The following RNF150 variants were observed in gnomAD, a reference collection of about 807,000 sequenced individuals.
RNF150 encodes the protein ring finger protein 150.
In RNF150, 24 loss-of-function variants were observed where a neutral mutation model predicts 39.3. The observed-to-expected ratio is 0.61, with a 90% CI of 0.44 to 0.86. RNF150 has a LOEUF of 0.86. RNF150 is among the 40% of genes least tolerant of loss of function. The pLI, the probability that RNF150 is intolerant of heterozygous loss-of-function variation, is 0.00. For synonymous variants in RNF150, 255 were observed against 227.3 expected (o/e 1.12, Z -1.10); for missense variants, 502 against 587.8 (o/e 0.85, Z 1.51).
upstream of RNF150, among the ~76,000 whole-genome samples, chr4:141,136,856 A>G (rs879531335): frequency 2.0e-5 from 3 of 152,228 alleles, no homozygotes; most frequent in Admixed American, 6.5e-5. Context: ...AGGGTAACCT[A>G]TGTCACATAA....
intron 4 of RNF150, among the ~76,000 whole-genome samples, chr4:140,943,439 C>A (rs1432313111): frequency 6.6e-6 from 1 of 152,152 alleles, no homozygotes; most frequent in Non-Finnish European, 1.5e-5. Flanking sequence ...TAAATATTTA[C>A]CCATTTTACA....
intron 1 of RNF150, among the ~76,000 whole-genome samples, chr4:141,182,899 C>A (rs1727936261): frequency 6.7e-6 from 1 of 149,828 alleles, no homozygotes; most frequent in Admixed American, 6.7e-5. Flanking sequence ...AAGAACAAAG[C>A]TGGAGGCATC....
chr4:140,932,135 C>G (rs564398224), intron 4 of RNF150, among the ~76,000 whole-genome samples: 2 of 152,316 alleles, frequency 1.3e-5, no homozygotes, highest in East Asian at 3.9e-4. Flanking sequence ...ATGTGACTCA[C>G]TCAGGTACCT....
At chr4:140,994,623 A>T (rs553578774) in intron 1 of RNF150, among the ~76,000 whole-genome samples, 15 of 152,316 alleles carry the variant, frequency 9.8e-5, no homozygotes, top group African/African-American at 2.9e-4. Flanking sequence ...CAAAAGTAAG[A>T]TCTGAAGAAT....
Position 140,866,167 on chromosome 4 carries a change from G to A in RNF150, c.*2094C>T, listed in dbSNP as rs1157761173. The A allele has an allele frequency of 6.6e-6, 1 of 152,162 alleles. No individual in the cohort carries two copies. Among genetic ancestry groups the A allele is most frequent in the Non-Finnish European group, 1.5e-5 (1 of 68,028 alleles). 9.4% of individuals were successfully genotyped at this position (152,162 alleles called of 1,614,324 possible). ...GATTTTCATTCTCAGCACCATAGTT[G>A]TGCCAAGTCTCAAAGGCTGTTATTA... On this transcript the variant is annotated 3_prime_UTR_variant, in exon 7 of 7. Coordinates refer to ENST00000515673, the MANE Select transcript of RNF150 (RefSeq NM_020724.2).
intron 1 of RNF150, among the ~76,000 whole-genome samples, chr4:141,000,047 G>A (rs1734585831): frequency 1.1e-5 from 1 of 90,598 alleles, no homozygotes; most frequent in East Asian, 2.9e-4. Flanking sequence ...AGAAGAAGAA[G>A]AAGAAGAAGA....
At chr4:141,082,361 G>C (rs891023354) in intron 1 of RNF150, among the ~76,000 whole-genome samples, 7 of 152,126 alleles carry the variant, frequency 4.6e-5, no homozygotes, top group Non-Finnish European at 1.0e-4. Flanking sequence ...CAATGCACAA[G>C]GTGACTGAGG....
intron 5 of RNF150, among the ~76,000 whole-genome samples, chr4:140,920,863 A>T (rs1731092915): frequency 6.6e-6 from 1 of 151,620 alleles, no homozygotes; most frequent in East Asian, 2.0e-4. Context: ...AGCCGTAAAA[A>T]ATGATGAGTT....
rs1185324604 is a variant in RNF150, at chr4:140,865,185, C to A, written c.*3076G>T. ...GTACACAAAAGCATGTAAAACATGT[C>A]ATTAATTTACATTAGTGACATGTTG... On this transcript the variant is annotated 3_prime_UTR_variant, in exon 7 of 7. Transcript: ENST00000515673. The A allele has an allele frequency of 6.6e-6, 1 of 152,086 alleles. No individual in the cohort carries two copies. Among genetic ancestry groups the A allele is most frequent in the East Asian group, 1.9e-4 (1 of 5,186 alleles). 9.4% of individuals were successfully genotyped at this position (152,086 alleles called of 1,614,324 possible). A position where few individuals can be genotyped will look rare whatever the true frequency, so the allele number is the denominator to read the frequency against.
intron 1 of RNF150, among the ~76,000 whole-genome samples, chr4:141,066,916 G>C (rs1334379419): frequency 6.6e-6 from 1 of 152,112 alleles, no homozygotes; most frequent in Non-Finnish European, 1.5e-5. Flanking sequence ...AGATGGTACA[G>C]CCTACTACAC....
At chr4:141,003,917 G>A (rs1192344622) in intron 1 of RNF150, among the ~76,000 whole-genome samples, 3 of 152,074 alleles carry the variant, frequency 2.0e-5, no homozygotes, top group East Asian at 1.9e-4. Flanking sequence ...AATGGCCTGC[G>A]GTTAGGAGAA....
intron 1 of RNF150, among the ~76,000 whole-genome samples, chr4:140,998,101 T>C (rs1027166001): frequency 7.2e-5 from 11 of 152,192 alleles, no homozygotes; most frequent in African/African-American, 2.4e-4. Context: ...ATCCTTTAAC[T>C]GAAATTGCTT....
At chr4:141,068,108 G>C (rs142565976) in intron 1 of RNF150, among the ~76,000 whole-genome samples, 46 of 152,184 alleles carry the variant, frequency 3.0e-4, no homozygotes, top group African/African-American at 1.1e-3. Flanking sequence ...ACCATGCCCA[G>C]CTAATTTTGG....
At chr4:141,105,464 T>A (rs1473214065) in intron 1 of RNF150, among the ~76,000 whole-genome samples, 1 of 152,188 alleles carries the variant, frequency 6.6e-6, no homozygotes, top group Non-Finnish European at 1.5e-5. Flanking sequence ...ATTTAACTTG[T>A]TTTAGCTTTC....
rs61123467 is a variant in RNF150 at position 141,108,278 on chromosome 4, C to T, written c.484+24047G>A. Among the ~76,000 whole-genome samples the T allele has an allele frequency of 3.9e-3, 592 of 152,254 alleles. 6 individuals are homozygous for T. Among genetic ancestry groups the T allele is most frequent in the African/African-American group, 0.014 (572 of 41,548 alleles). ...ATATTCCTACAATTCTTACATAATG[C>T]AGTTAGGACCAGCACTGTTTTCTTA... On this transcript the variant is annotated intron_variant, in intron 1 of 6. Transcript: ENST00000515673.
intron 4 of RNF150, among the ~76,000 whole-genome samples, chr4:140,932,519 C>T (rs1173517910): frequency 6.6e-6 from 1 of 152,202 alleles, no homozygotes; most frequent in Non-Finnish European, 1.5e-5. Context: ...AGTGTTTTTA[C>T]CCACTCTATA....
intron 1 of RNF150, among the ~76,000 whole-genome samples, chr4:141,197,973 A>G (rs1174092492): frequency 2.0e-5 from 3 of 152,166 alleles, no homozygotes; most frequent in African/African-American, 7.2e-5. Flanking sequence ...TTATCAATTA[A>G]CAAGGCAATT....
intron 4 of RNF150, among the ~76,000 whole-genome samples, chr4:140,944,382 G>A (rs1288172055): frequency 6.6e-6 from 1 of 152,048 alleles, no homozygotes; most frequent in Non-Finnish European, 1.5e-5. Flanking sequence ...TGGGCTAAGG[G>A]GTGTCTGTCC....
chr4:140,889,826 C>T (rs1255166628), intron 6 of RNF150, among the ~76,000 whole-genome samples: 2 of 152,036 alleles, frequency 1.3e-5, no homozygotes, highest in African/African-American at 4.8e-5. Context: ...ACATTATATT[C>T]TATATTTCTT....
Sources: gnomAD v4.1 joint callset for allele counts (sites outside exome capture counted in the v4.1 genomes callset) on GRCh38, gnomAD v4.1.1 for gene constraint, MANE v1.5 for transcripts, NCBI Gene and HGNC (gene_info 2026-07-23, HGNC 2026-07-21) for gene names.